Variants in CD163L1 observed in about 807,000 individuals in gnomAD.
CD163L1 encodes the protein scavenger receptor cysteine-rich type 1 protein M160.
In CD163L1, 124 loss-of-function variants were observed where a neutral mutation model predicts 165.4. The ratio of observed to expected loss-of-function variants is 0.75; its 90% CI spans 0.65 to 0.87. The LOEUF is 0.87. Ranked by LOEUF, CD163L1 falls within the 40% of genes least tolerant of loss-of-function variation. CD163L1 has a pLI of 0.00. For synonymous variants in CD163L1, 585 were observed against 662.2 expected (o/e 0.88, Z 1.79); for missense variants, 1,525 against 1,799.9 (o/e 0.85, Z 2.76).
chr12:7,367,556 T>C, intron 17 of CD163L1: 1 of 375,686 alleles, frequency 2.7e-6, no homozygotes, highest in Non-Finnish European at 4.9e-6. Flanking sequence ...TTACATAGTA[T>C]TTACTATGTG....
chr12:7,434,534 G>A (rs1948688661), intron 2 of CD163L1, among the ~76,000 whole-genome samples: 1 of 152,130 alleles, frequency 6.6e-6, no homozygotes, highest in Non-Finnish European at 1.5e-5. Flanking sequence ...AAATTTTAAA[G>A]CAACCATGAG....
chr12:7,356,109 A>C (rs1201765020), intron 19 of CD163L1, among the ~76,000 whole-genome samples: 2 of 152,152 alleles, frequency 1.3e-5, no homozygotes, highest in Non-Finnish European at 2.9e-5. Flanking sequence ...GTATTTATTA[A>C]AATTGGTTTA....
intron 4 of CD163L1, among the ~76,000 whole-genome samples, chr12:7,431,919 A>G (rs1008242427): frequency 3.9e-5 from 6 of 152,174 alleles, no homozygotes; most frequent in Admixed American, 6.5e-5. Context: ...ACACGGATAT[A>G]TGTATCTAGA....
Position 7,368,032 on chromosome 12 carries a change from T to C in CD163L1, c.4183+55A>G, listed in dbSNP as rs768827216. 19 of 987,526 alleles carry C rather than the reference T, an allele frequency of 1.9e-5. No individual in the cohort carries two copies. The African/African-American group carries it at 2.6e-4, about 13-fold the overall frequency. 61.2% of individuals were successfully genotyped at this position (987,526 alleles called of 1,614,324 possible). ...CATTCTGCAAGAATCCCCCATCCTGTGTGCCCTTGGTGGCAGGTAACTCAC... is the reference window on the plus strand; with the variant it reads ...CATTCTGCAAGAATCCCCCATCCTGCGTGCCCTTGGTGGCAGGTAACTCAC... On this transcript the variant is annotated intron_variant, in intron 17 of 19. Coordinates refer to ENST00000313599, the MANE Select transcript of CD163L1 (RefSeq NM_174941.6). The surrounding 1 kb of genome is among the most constrained non-coding windows in gnomAD (Gnocchi z 4.3).
the CD163L1 span, chr12:7,324,263 T>C: frequency 7.4e-6 from 12 of 1,611,194 alleles, no homozygotes; most frequent in Non-Finnish European, 1.0e-5. Flanking sequence ...ATGTCATCCT[T>C]GGTTCCCAGG....
intron 4 of CD163L1, among the ~76,000 whole-genome samples, chr12:7,421,450 T>TATGTACATATATACATATATATTC (rs1948394131): frequency 8.7e-6 from 1 of 114,464 alleles, no homozygotes; most frequent in Admixed American, 8.9e-5. Context: ...CATATACATA[T>TATGTACATATATACATATATATTC]ATGTACATAT....
chr12:7,359,293 A>C (rs1311065686), intron 18 of CD163L1, among the ~76,000 whole-genome samples: 1 of 152,078 alleles, frequency 6.6e-6, no homozygotes, highest in Non-Finnish European at 1.5e-5. Context: ...CAAACAAACA[A>C]AAAACCCCGG....
rs751422138 is a variant in CD163L1, at chr12:7,409,520, A to G, written c.767-2668T>C. On this transcript the variant is annotated intron_variant, in intron 4 of 19. Coordinates refer to ENST00000313599, the MANE Select transcript of CD163L1 (RefSeq NM_174941.6). ...AGATCCCCCAAATGCACAGTTCACA[A>G]TAGGGTTTGCGCTCCTGTGAGAATC... Among the ~76,000 whole-genome samples, 8 of 152,250 alleles carry G rather than the reference A, an allele frequency of 5.3e-5. No homozygotes were observed. In the South Asian group the frequency reaches 1.2e-3, roughly 24 times the overall value.
intron 8 of CD163L1, among the ~76,000 whole-genome samples, chr12:7,380,359 ATACGCGTATACATACATGTATGTG>A (rs1242693253): frequency 6.8e-6 from 1 of 147,782 alleles, no homozygotes; most frequent in East Asian, 2.2e-4. Flanking sequence ...GTATGTGTGT[ATACGCGTATACATACATGTATGTG>A]TGTATATGCG....
At chr12:7,328,109 C>CGGGTG in the CD163L1 span, among the ~76,000 whole-genome samples, 2 of 152,198 alleles carry the variant, frequency 1.3e-5, no homozygotes, top group African/African-American at 4.8e-5. Flanking sequence ...GATGGAGCTA[C>CGGGTG]ACTATCACCC....
At chr12:7,336,005 A>G in the CD163L1 span, among the ~76,000 whole-genome samples, 7 of 145,770 alleles carry the variant, frequency 4.8e-5, no homozygotes, top group African/African-American at 1.3e-4. Context: ...AAGTCAGGAA[A>G]CAACAGGTGC....
intron 4 of CD163L1, among the ~76,000 whole-genome samples, chr12:7,407,782 T>TACAC (rs57031012): frequency 0.068 from 9,845 of 143,910 alleles, 312 homozygotes; most frequent in Non-Finnish European, 0.078. Context: ...CACACATCCA[T>TACAC]ACACACACAC....
chr12:7,393,473 A>T (rs1191945476), intron 8 of CD163L1, among the ~76,000 whole-genome samples: 2 of 152,346 alleles, frequency 1.3e-5, no homozygotes, highest in African/African-American at 2.4e-5. Context: ...ATCATACTGA[A>T]TGGGCAAAAG....
chr12:7,384,522 T>C (rs753102383), intron 8 of CD163L1, among the ~76,000 whole-genome samples: 1 of 151,844 alleles, frequency 6.6e-6, no homozygotes, highest in South Asian at 2.1e-4. Context: ...AAGCCCAAGA[T>C]AAAAAAATAA....
At chr12:7,326,814 T>C in the CD163L1 span, among the ~76,000 whole-genome samples, 3 of 152,360 alleles carry the variant, frequency 2.0e-5, no homozygotes, top group East Asian at 5.8e-4. Context: ...AACCTCACTT[T>C]GTAATTGTAT....
intron 9 of CD163L1, among the ~76,000 whole-genome samples, chr12:7,377,690 T>C (rs951736192): frequency 6.6e-6 from 1 of 152,218 alleles, no homozygotes; most frequent in African/African-American, 2.4e-5. Flanking sequence ...TATTGGCCTC[T>C]TAGGGCTTTT....
downstream of CD163L1, among the ~76,000 whole-genome samples, chr12:7,341,872 C>T (rs1334580207): frequency 4.6e-5 from 7 of 152,042 alleles, no homozygotes; most frequent in African/African-American, 1.4e-4. Flanking sequence ...CCCTTATTAT[C>T]GATGTTTATA....
chr12:7,416,148 T>A (rs1020605472), intron 4 of CD163L1, among the ~76,000 whole-genome samples: 15 of 152,224 alleles, frequency 9.9e-5, no homozygotes, highest in African/African-American at 3.6e-4. Flanking sequence ...CTCATTGTGG[T>A]TTTGGTTTGC....
chr12:7,410,586 A>C (rs1948118505), intron 4 of CD163L1, among the ~76,000 whole-genome samples: 1 of 149,400 alleles, frequency 6.7e-6, no homozygotes, highest in Admixed American at 6.6e-5. Flanking sequence ...CCTGAGTGAC[A>C]GAGCGAGAGT....
Sources: allele counts gnomAD v4.1 joint callset (sites outside exome capture counted in the v4.1 genomes callset), GRCh38; gene constraint gnomAD v4.1.1; non-coding constraint Gnocchi (gnomAD v3.1); transcripts MANE v1.5; gene names NCBI Gene and HGNC (gene_info 2026-07-23, HGNC 2026-07-21).